The following FAM110B variants were observed in gnomAD, a reference collection of about 807,000 sequenced individuals.
The protein encoded by FAM110B is protein FAM110B.
In FAM110B, 6 loss-of-function variants were observed where a neutral mutation model predicts 20.4. The observed-to-expected ratio is 0.29, with a 90% confidence interval of 0.16 to 0.58. The LOEUF (loss-of-function observed/expected upper bound fraction) is 0.58, where lower values mean the gene tolerates loss of function less well. FAM110B is among the 20% of genes least tolerant of loss of function. The pLI is 0.90. For missense variants in FAM110B, 434 were observed against 498.2 expected, an observed-to-expected ratio of 0.87 and a Z score of 1.23; for synonymous variants, 226 against 214.1, an observed-to-expected ratio of 1.06 and a Z score of -0.49.
intron 1 of FAM110B, among the ~76,000 whole-genome samples, chr8:58,013,012 A>G (rs1804569512): frequency 6.6e-6 from 1 of 151,956 alleles, no homozygotes; most frequent in African/African-American, 2.4e-5. Context: ...AGTGGCCCCA[A>G]CTTGTGCTTC....
chr8:58,137,896 C>T (rs989382885), intron 3 of FAM110B, among the ~76,000 whole-genome samples: 4 of 152,214 alleles, frequency 2.6e-5, no homozygotes, highest in Non-Finnish European at 5.9e-5. Flanking sequence ...AGTGCTGCCT[C>T]ACATCAAGAT....
At chr8:58,114,741 T>C (rs533203052) in intron 3 of FAM110B, among the ~76,000 whole-genome samples, 44 of 152,340 alleles carry the variant, frequency 2.9e-4, no homozygotes, top group Non-Finnish European at 5.7e-4. Context: ...CATGTGGAGA[T>C]TCATTTAATC....
intron 2 of FAM110B, among the ~76,000 whole-genome samples, chr8:58,072,389 A>T (rs1212924059): frequency 1.3e-5 from 2 of 152,192 alleles, no homozygotes; most frequent in Non-Finnish European, 2.9e-5. Flanking sequence ...ATATGAATGT[A>T]TCTGTGTACT....
At chr8:58,032,076 G>A (rs1409615021) in intron 2 of FAM110B, 1 of 152,296 alleles carries the variant, frequency 6.6e-6, no homozygotes, top group Non-Finnish European at 1.5e-5. Context: ...GTTTGGCTGA[G>A]GCTGATCTCG....
At chr8:58,014,513 G>T (rs1804600765) in intron 1 of FAM110B, among the ~76,000 whole-genome samples, 1 of 152,206 alleles carries the variant, frequency 6.6e-6, no homozygotes, top group Non-Finnish European at 1.5e-5. Context: ...AGGTTATAAA[G>T]GTGGATGTCT....
At chr8:58,002,553 A>T (rs147227519) in intron 1 of FAM110B, among the ~76,000 whole-genome samples, 56 of 152,342 alleles carry the variant, frequency 3.7e-4, no homozygotes, top group African/African-American at 1.3e-3. Context: ...AAGTTCATCC[A>T]CAATGAAGAC....
At chr8:58,060,922 A>C (rs998029451) in intron 2 of FAM110B, among the ~76,000 whole-genome samples, 1 of 152,088 alleles carries the variant, frequency 6.6e-6, no homozygotes, top group Non-Finnish European at 1.5e-5. Flanking sequence ...CAAAGCCTGT[A>C]TGATTTTCTG....
intron 3 of FAM110B, among the ~76,000 whole-genome samples, chr8:58,088,097 A>T (rs909345677): frequency 2.0e-5 from 3 of 152,230 alleles, no homozygotes; most frequent in Non-Finnish European, 2.9e-5. Context: ...GCTAAAATGT[A>T]ATTAAAAGAA....
intron 3 of FAM110B, among the ~76,000 whole-genome samples, chr8:58,103,639 A>G (rs904299267): frequency 6.6e-6 from 1 of 152,158 alleles, no homozygotes; most frequent in Non-Finnish European, 1.5e-5. Flanking sequence ...AGTTAGTCCT[A>G]ATAGTTTTAC....
At chr8:58,103,419 G>C (rs1362406356) in intron 3 of FAM110B, among the ~76,000 whole-genome samples, 2 of 150,142 alleles carry the variant, frequency 1.3e-5, no homozygotes. Context: ...GAGAATATGC[G>C]GTGTTTGGTT....
chr8:58,025,492 C>A (rs76341478), intron 1 of FAM110B, among the ~76,000 whole-genome samples: 3,031 of 152,202 alleles, frequency 0.02, 113 homozygotes, highest in African/African-American at 0.068. Context: ...GTCTGCCATC[C>A]TGAGAAATGT....
chr8:58,102,777 A>T (rs1015197453), intron 3 of FAM110B, among the ~76,000 whole-genome samples: 1 of 151,906 alleles, frequency 6.6e-6, no homozygotes, highest in South Asian at 2.1e-4. Flanking sequence ...CTTCTTTTTG[A>T]GGGGCCTGGT....
intron 2 of FAM110B, among the ~76,000 whole-genome samples, chr8:58,054,256 T>TG (rs1805510170): frequency 6.6e-6 from 1 of 151,870 alleles, no homozygotes; most frequent in Non-Finnish European, 1.5e-5. Context: ...CTGAGGGGAG[T>TG]GGAGGCATGA....
chr8:58,088,236 G>C (rs1806386053), intron 3 of FAM110B, among the ~76,000 whole-genome samples: 1 of 152,230 alleles, frequency 6.6e-6, no homozygotes, highest in South Asian at 2.1e-4. Flanking sequence ...CACAATTTTA[G>C]TTTCTCCATT....
chr8:58,096,185 C>CT (rs1272704556), intron 3 of FAM110B, among the ~76,000 whole-genome samples: 3 of 151,754 alleles, frequency 2.0e-5, no homozygotes, highest in Non-Finnish European at 2.9e-5. Context: ...GGTCTTGACT[C>CT]TTTTTTTTGA....
chr8:58,045,717 G>C (rs923051226), intron 2 of FAM110B, among the ~76,000 whole-genome samples: 3 of 152,088 alleles, frequency 2.0e-5, no homozygotes, highest in African/African-American at 7.2e-5. Flanking sequence ...AGACCAAGGA[G>C]GATTTTCATC....
At chr8:58,102,597 T>C (rs1263282933) in intron 3 of FAM110B, among the ~76,000 whole-genome samples, 1 of 152,198 alleles carries the variant, frequency 6.6e-6, no homozygotes, top group East Asian at 1.9e-4. Flanking sequence ...CGTAAATGAA[T>C]TGATTTCCAC....
intron 3 of FAM110B, among the ~76,000 whole-genome samples, chr8:58,116,081 G>GACAT (rs1378790097): frequency 3.9e-5 from 6 of 152,174 alleles, no homozygotes; most frequent in South Asian, 2.1e-4. Context: ...TAGTATGGAA[G>GACAT]ACATACATAC....
rs967773157 is a variant in FAM110B, at chr8:58,146,568, G to A, written c.338G>A (p.Arg113Lys). 6.2e-7 allele frequency: 1 copy of A among 1,614,068 alleles called. No individual in the cohort carries two copies. Among genetic ancestry groups the A allele is most frequent in the Non-Finnish European group, 8.5e-7 (1 of 1,179,958 alleles). ...NHAKTESGVQ[R>K]ENLKLEILKN... is the part of the protein sequence containing the mutation. ...GCCAAGACCGAGAGCGGCGTGCAGAGGGAGAACCTGAAGCTGGAGATCCTG... is the reference window on the plus strand; with the variant it reads ...GCCAAGACCGAGAGCGGCGTGCAGAAGGAGAACCTGAAGCTGGAGATCCTG... Residue 113 changes from arginine to lysine, a missense_variant, in exon 4 of 4, where the codon AGG (arginine) becomes AAG (lysine). Arg to Lys is a conservative substitution (Grantham distance 26). Transcript: ENST00000519262.
Sources: gnomAD v4.1 joint callset for allele counts (sites outside exome capture counted in the v4.1 genomes callset) on GRCh38, gnomAD v4.1.1 for gene constraint, MANE v1.5 for transcripts, NCBI Gene and HGNC (gene_info 2026-07-23, HGNC 2026-07-21) for gene names.